LMF1: variants seen among roughly 807,000 people sequenced by gnomAD.
LMF1 encodes transmembrane protein 112.
Under a neutral mutation model 60.6 loss-of-function variants are expected in LMF1, and 68 were observed. The observed-to-expected ratio is 1.12, with a 90% CI of 0.92 to 1.37. The LOEUF (loss-of-function observed/expected upper bound fraction) is 1.37. Ranked by LOEUF, LMF1 falls within the 40% of genes most tolerant of loss-of-function variation. The pLI, the probability that LMF1 is intolerant of heterozygous loss-of-function variation, is 0.00. For synonymous variants in LMF1, 418 were observed against 324.7 expected, an observed-to-expected ratio of 1.29 and a Z score of -3.09; for missense variants, 948 against 767.2, an observed-to-expected ratio of 1.24 and a Z score of -2.78.
At chr16:859,897 G>T (rs2069397742) in intron 10 of LMF1, among the ~76,000 whole-genome samples, 1 of 143,684 alleles carries the variant, frequency 7.0e-6, no homozygotes, top group Non-Finnish European at 1.5e-5. Context: ...TGGTGTCTCG[G>T]GATGGGTGTG....
In LMF1 at chr16:905,810, T is replaced by C. The variant is rs1338281924; in HGVS notation, c.663+5121A>G. Among the ~76,000 whole-genome samples the C allele has an allele frequency of 3.3e-5, 5 of 152,188 alleles. No homozygotes were observed. In the East Asian group the frequency reaches 9.6e-4, roughly 29 times the overall value. ...TTCTTTTTCTTTCAGGGTCTCACTA[T>C]GTTGCCCAGTCTGGGCTTGAACTCC... On this transcript the variant is annotated intron_variant, in intron 4 of 10. Coordinates refer to ENST00000262301, the MANE Select transcript of LMF1 (RefSeq NM_022773.4).
chr16:869,095 C>T (rs144542273), intron 9 of LMF1, 39 bp from the exon 10 acceptor site: 53 of 1,351,310 alleles, frequency 3.9e-5, no homozygotes, highest in South Asian at 1.2e-4. Flanking sequence ...CTGTGCCACT[C>T]GCTGTCCAGG....
chr16:947,239 T>G (rs1294574286), intron 2 of LMF1, among the ~76,000 whole-genome samples: 1 of 152,186 alleles, frequency 6.6e-6, no homozygotes, highest in African/African-American at 2.4e-5. Context: ...GGACGTCACT[T>G]TTACCATCAA....
In LMF1 at chr16:878,835, TGC is replaced by T. The variant is rs2070074650; in HGVS notation, c.897+733_897+734del. On this transcript the variant is annotated intron_variant, in intron 6 of 10. Coordinates refer to ENST00000262301, the MANE Select transcript of LMF1 (RefSeq NM_022773.4). The surrounding 1 kb of genome is among the most constrained non-coding windows in gnomAD (Gnocchi z 5.2). ...GCACGTGGAACGCCACCTGGACCTG[TGC>T]ATTTTCCTGGCTGTATGTTACACCT... is the stretch of plus-strand genomic sequence containing the variant. Among the ~76,000 whole-genome samples the T allele has an allele frequency of 6.6e-6, 1 of 152,124 alleles. No homozygotes were observed. The highest frequency in any genetic ancestry group is 2.4e-5 in the African/African-American group (1 of 41,392).
intron 2 of LMF1, among the ~76,000 whole-genome samples, chr16:935,497 G>C (rs1412564016): frequency 2.7e-5 from 4 of 150,214 alleles, no homozygotes; most frequent in Non-Finnish European, 5.9e-5. Context: ...TGGCTTCCGT[G>C]GGCCACAATG....
chr16:944,401 A>G (rs1289245808), intron 2 of LMF1, among the ~76,000 whole-genome samples: 1 of 152,152 alleles, frequency 6.6e-6, no homozygotes. Context: ...CTTTACTCTA[A>G]TGCCTTGCCG....
At chr16:936,253 A>G (rs1363988615) in intron 2 of LMF1, among the ~76,000 whole-genome samples, 10 of 138,716 alleles carry the variant, frequency 7.2e-5, no homozygotes, top group African/African-American at 2.2e-4. Context: ...GGAGGGAGAG[A>G]GGGCACCCCG....
At chr16:957,229 G>A (rs1012498043) in intron 1 of LMF1, among the ~76,000 whole-genome samples, 2 of 152,190 alleles carry the variant, frequency 1.3e-5, no homozygotes, top group African/African-American at 4.8e-5. Flanking sequence ...TATCACAAGA[G>A]CAACCCCACA....
chr16:854,672 T>C lies in LMF1; in HGVS notation c.1564A>G (p.Ser522Gly). The change falls in exon 11 of 11, where the codon AGC becomes GGC. Residue 522 changes from serine (S) to glycine (G), a missense_variant. Coordinates refer to ENST00000262301, the MANE Select transcript of LMF1 (RefSeq NM_022773.4). ...VRGEHYRYKFSRPGGRHAAEG... is the reference protein window; with the variant it reads ...VRGEHYRYKFGRPGGRHAAEG... ...GCGGCGTGCCTGCCCCCAGGACGGC[T>C]GAACTTGTACCTGTAGTGCTCTCCT... is the stretch of plus-strand genomic sequence containing the variant. 1 of 1,603,070 alleles carries C rather than the reference T, an allele frequency of 6.2e-7. No homozygotes were observed.
chr16:911,661 C>CTGGGGGGCAGCAA (rs2071124721), intron 3 of LMF1, among the ~76,000 whole-genome samples: 1 of 53,488 alleles, frequency 1.9e-5, no homozygotes, highest in African/African-American at 8.1e-5. Flanking sequence ...GGGGGCAGCA[C>CTGGGGGGCAGCAA]TGGGGGGGCA....
rs564905180 is a variant in LMF1, at chr16:874,783, C to T, written c.898-3442G>A. On this transcript the variant is annotated intron_variant, in intron 6 of 10. Coordinates refer to ENST00000262301, the MANE Select transcript of LMF1 (RefSeq NM_022773.4). This position sits in a 1 kb window ranked among gnomAD's most constrained non-coding sequence, Gnocchi z 4.1. ...ACCAGGACAGGCTCCAGGCAGGCGGCGCTCAGAAGTCTCAGGGCACTCGGC... is the reference window on the plus strand; with the variant it reads ...ACCAGGACAGGCTCCAGGCAGGCGGTGCTCAGAAGTCTCAGGGCACTCGGC... Among the ~76,000 whole-genome samples the T allele has an allele frequency of 6.4e-4, 97 of 152,088 alleles. No individual in the cohort carries two copies. Among genetic ancestry groups the T allele is most frequent in the African/African-American group, 8.7e-4 (36 of 41,412 alleles).
chr16:923,984 AAT>A (rs1207211653), intron 3 of LMF1, among the ~76,000 whole-genome samples: 10 of 152,272 alleles, frequency 6.6e-5, no homozygotes, highest in African/African-American at 2.4e-4. Context: ...AGCCAATCAA[AAT>A]AGAAAAGGCA....
At chr16:980,701 G>C (rs1385032865) in intron 1 of LMF1, 3 of 152,070 alleles carry the variant, frequency 2.0e-5, no homozygotes, top group Non-Finnish European at 4.4e-5. Context: ...ACCTCGCGGG[G>C]CGGCCTTGGG....
chr16:976,133 A>C (rs866695629), intron 1 of LMF1: 9 of 442,250 alleles, frequency 2.0e-5, no homozygotes, highest in South Asian at 4.7e-5. Flanking sequence ...GGGCTGAGAG[A>C]GCCCCCCAGG....
upstream of LMF1, chr16:981,480 G>A (rs1455687380): frequency 3.9e-6 from 1 of 254,488 alleles, no homozygotes; most frequent in Non-Finnish European, 8.4e-6. Flanking sequence ...GCAGAGGAGA[G>A]GAAGCGCCGG....
intron 4 of LMF1, among the ~76,000 whole-genome samples, chr16:910,233 T>C (rs943713597): frequency 3.3e-5 from 5 of 152,090 alleles, no homozygotes; most frequent in Non-Finnish European, 7.4e-5. Context: ...GAACAGGGGG[T>C]TGGCATGTGA....
chr16:885,584 T>A (rs1441517174), intron 5 of LMF1, among the ~76,000 whole-genome samples: 2 of 152,210 alleles, frequency 1.3e-5, no homozygotes, highest in Non-Finnish European at 2.9e-5. Flanking sequence ...AAGGCTGGAC[T>A]GGCCACCGTC....
At chr16:906,579 A>G (rs1013780289) in intron 4 of LMF1, among the ~76,000 whole-genome samples, 2 of 152,028 alleles carry the variant, frequency 1.3e-5, no homozygotes, top group South Asian at 2.1e-4. Flanking sequence ...CGGGCAACCT[A>G]TCGTGGGGAC....
chr16:907,572 T>G (rs942772656), intron 4 of LMF1, among the ~76,000 whole-genome samples: 2 of 151,782 alleles, frequency 1.3e-5, no homozygotes, highest in Admixed American at 6.6e-5. Flanking sequence ...AGGAACCCAG[T>G]GGTTAGGGCA....
Sources: allele counts gnomAD v4.1 joint callset (sites outside exome capture counted in the v4.1 genomes callset), GRCh38; gene constraint gnomAD v4.1.1; non-coding constraint Gnocchi (gnomAD v3.1); transcripts MANE v1.5; gene names NCBI Gene and HGNC (gene_info 2026-07-23, HGNC 2026-07-21).